The following CD163L1 variants were observed in gnomAD, a reference collection of about 807,000 sequenced individuals.
CD163L1 encodes scavenger receptor cysteine-rich type 1 protein M160.
CD163L1 carries 124 observed loss-of-function variants against 165.4 expected under a neutral mutation model. That is an observed-to-expected ratio of 0.75 (90% CI 0.65 to 0.87). CD163L1 has a LOEUF of 0.87. CD163L1 is among the 40% of genes least tolerant of loss of function. CD163L1 has a pLI of 0.00. For synonymous variants in CD163L1, 585 were observed against 662.2 expected (o/e 0.88, Z 1.79); for missense variants, 1,525 against 1,799.9 (o/e 0.85, Z 2.76).
chr12:7,392,966 G>A (rs1024830821), intron 8 of CD163L1, among the ~76,000 whole-genome samples: 1 of 152,118 alleles, frequency 6.6e-6, no homozygotes, highest in Non-Finnish European at 1.5e-5. Context: ...GGACCAGATG[G>A]ATTCAGAGCC....
chr12:7,386,607 A>C (rs916650265), intron 8 of CD163L1, among the ~76,000 whole-genome samples: 2 of 149,436 alleles, frequency 1.3e-5, no homozygotes, highest in African/African-American at 4.9e-5. Flanking sequence ...AACATATCAA[A>C]AAAAAAAAAA....
chr12:7,439,511 T>A, intron 2 of CD163L1: 3 of 1,581,482 alleles, frequency 1.9e-6, no homozygotes, highest in Non-Finnish European at 2.6e-6. Flanking sequence ...TTCTCCTCTC[T>A]CTGCCTTAAT....
At chr12:7,428,349 T>C (rs1363731347) in intron 4 of CD163L1, among the ~76,000 whole-genome samples, 2 of 152,086 alleles carry the variant, frequency 1.3e-5, no homozygotes, top group African/African-American at 4.8e-5. Flanking sequence ...GTTCTTTAGA[T>C]GGCATGTATT....
rs1948662321 is a variant in CD163L1, at chr12:7,433,396, T to A, written c.423A>T (p.Glu141Asp). Residue 141 changes from glutamate to aspartate, a missense_variant, in exon 3 of 20, where the codon GAA (glutamate) becomes GAT (aspartate). Transcript: ENST00000313599. ...EWGSHNCYHGEDVGVNCYGEA... is the reference protein window; with the variant it reads ...EWGSHNCYHGDDVGVNCYGEA... ...TACCATAACAGTTCACACCAACATC[T>A]TCTCCATGATAACAGTTATGGCTTC... The A allele has an allele frequency of 3.1e-6, 5 of 1,597,828 alleles. No homozygotes were observed. The highest frequency in any genetic ancestry group is 4.3e-6 in the Non-Finnish European group (5 of 1,171,750).
chr12:7,437,864 G>A (rs1948760353), intron 2 of CD163L1, among the ~76,000 whole-genome samples: 1 of 148,916 alleles, frequency 6.7e-6, no homozygotes, highest in Non-Finnish European at 1.5e-5. Flanking sequence ...CCCAACACCA[G>A]TTTTCCAACC....
At chr12:7,436,129 G>A (rs1948709703) in intron 2 of CD163L1, among the ~76,000 whole-genome samples, 1 of 152,130 alleles carries the variant, frequency 6.6e-6, no homozygotes, top group African/African-American at 2.4e-5. Context: ...TGGAAGAGAA[G>A]AGGAAAACAT....
rs1947822814 is a variant in CD163L1, at chr12:7,398,406, G to A, written c.1587C>T (p.Thr529=). 6.2e-7 allele frequency: 1 copy of A among 1,614,058 alleles called. No individual in the cohort carries two copies. Among genetic ancestry groups the A allele is most frequent in the Non-Finnish European group, 8.5e-7 (1 of 1,180,010 alleles). The change falls in exon 7 of 20, where the codon ACC becomes ACT. Residue 529 remains threonine, a synonymous_variant. Transcript: ENST00000313599. The surrounding 1 kb of genome is among the most constrained non-coding windows in gnomAD (Gnocchi z 4.5). Reference sequence around the variant, plus strand: ...TAGGTCCTGATGCTTCTTTAAAATAGGTCATACCAAACACATGCAAAGGCT... The same window carrying A: ...TAGGTCCTGATGCTTCTTTAAAATAAGTCATACCAAACACATGCAAAGGCT... ...CGKPLHVFGM[T]YFKEASGPIW...
chr12:7,432,289 AG>A lies in CD163L1; in HGVS notation c.766+126del. 1.4e-6 allele frequency: 1 copy of A among 696,462 alleles called. No individual in the cohort carries two copies. Among genetic ancestry groups the A allele is most frequent in the South Asian group, 1.9e-5 (1 of 51,284 alleles). 43.1% of individuals were successfully genotyped at this position (696,462 alleles called of 1,614,324 possible). On this transcript the variant is annotated intron_variant, in intron 4 of 19. Coordinates refer to ENST00000313599, the MANE Select transcript of CD163L1 (RefSeq NM_174941.6). The surrounding 1 kb of genome is among the most constrained non-coding windows in gnomAD (Gnocchi z 4.2). ...GAAAACTCCAGAATGGAGCAATTTC[AG>A]GGTAACAAAAATGTGTTATAACCAG... is the stretch of plus-strand genomic sequence containing the variant.
In CD163L1 at chr12:7,441,253, A is replaced by G; in HGVS notation, c.32-7T>C. On this transcript the variant is annotated splice_region_variant and splice_polypyrimidine_tract_variant and intron_variant, in intron 1 of 19. Transcript: ENST00000313599. The stretch of plus-strand genomic sequence containing the variant: ...CAGCAGCATCTTCCAAAATCTGGAG[A>G]AACAAAATATAGCAGGGTAGAATTT... 6.2e-7 allele frequency: 1 copy of G among 1,607,244 alleles called. No homozygotes were observed. Among genetic ancestry groups the G allele is most frequent in the Non-Finnish European group, 8.5e-7 (1 of 1,173,798 alleles).
At chr12:7,415,069 T>C (rs1948210212) in intron 4 of CD163L1, among the ~76,000 whole-genome samples, 1 of 152,264 alleles carries the variant, frequency 6.6e-6, no homozygotes, top group Non-Finnish European at 1.5e-5. Context: ...GTAATGATGA[T>C]GTGTAAACAA....
intron 2 of CD163L1, chr12:7,439,148 T>G (rs1948779629): frequency 6.3e-7 from 1 of 1,577,756 alleles, no homozygotes; most frequent in Non-Finnish European, 8.6e-7. Context: ...GCTGTCGGAA[T>G]GTAGCCCTTC....
intron 4 of CD163L1, among the ~76,000 whole-genome samples, chr12:7,423,897 G>A (rs943088123): frequency 6.6e-6 from 1 of 152,028 alleles, no homozygotes; most frequent in African/African-American, 2.4e-5. Context: ...CTCTGCCAGA[G>A]GTACAAAGAG....
At chr12:7,411,989 T>G (rs1948146632) in intron 4 of CD163L1, among the ~76,000 whole-genome samples, 1 of 152,222 alleles carries the variant, frequency 6.6e-6, no homozygotes, top group Non-Finnish European at 1.5e-5. Flanking sequence ...TTCTTCACAT[T>G]GGTTACTTCC....
chr12:7,352,822 C>A (rs1367086537), downstream of CD163L1, among the ~76,000 whole-genome samples: 1 of 152,044 alleles, frequency 6.6e-6, no homozygotes, highest in Non-Finnish European at 1.5e-5. Context: ...CAAACAGCAA[C>A]AACAACTGCC....
chr12:7,392,377 G>A (rs1035531670), intron 8 of CD163L1, among the ~76,000 whole-genome samples: 4 of 152,062 alleles, frequency 2.6e-5, no homozygotes, highest in South Asian at 2.1e-4. Flanking sequence ...TGAAACCAAC[G>A]AGAACAAAAA....
At chr12:7,358,369 G>T (rs1018543690) in intron 18 of CD163L1, among the ~76,000 whole-genome samples, 1 of 152,056 alleles carries the variant, frequency 6.6e-6, no homozygotes, top group African/African-American at 2.4e-5. Flanking sequence ...TCAGGAGGAG[G>T]GGAAAGTAGT....
intron 4 of CD163L1, among the ~76,000 whole-genome samples, chr12:7,413,650 G>GGTGCAT (rs1948181502): frequency 6.6e-6 from 1 of 152,188 alleles, no homozygotes; most frequent in Non-Finnish European, 1.5e-5. Context: ...TTCCCCAGAT[G>GGTGCAT]GTGCATGTGA....
intron 18 of CD163L1, among the ~76,000 whole-genome samples, chr12:7,359,246 A>G (rs1946841841): frequency 6.6e-6 from 1 of 152,008 alleles, no homozygotes; most frequent in Non-Finnish European, 1.5e-5. Context: ...AGGCAGCACA[A>G]AGAACACCAA....
the CD163L1 span, among the ~76,000 whole-genome samples, chr12:7,339,885 TTTG>T: frequency 6.6e-6 from 1 of 152,150 alleles, no homozygotes. Context: ...TAAATTTGCT[TTTG>T]TGATAGGATA....
Sources: gnomAD v4.1 joint callset for allele counts (sites outside exome capture counted in the v4.1 genomes callset) on GRCh38, gnomAD v4.1.1 for gene constraint, Gnocchi (gnomAD v3.1) non-coding constraint, MANE v1.5 for transcripts, NCBI Gene and HGNC (gene_info 2026-07-23, HGNC 2026-07-21) for gene names.